Variants in ST3GAL1 observed in about 807,000 individuals in gnomAD.
ST3GAL1 encodes the protein ST3 beta-galactoside alpha-2,3-sialyltransferase 1, also known as CMP-N-acetylneuraminate-beta-galactosamide-alpha-2,3-sialyltransferase 1.
Under a neutral mutation model 34.1 loss-of-function variants are expected in ST3GAL1, and 16 were observed. That is an observed-to-expected ratio of 0.47 (90% CI 0.32 to 0.71). The LOEUF (loss-of-function observed/expected upper bound fraction) is 0.71. Ranked by LOEUF, ST3GAL1 falls within the 30% of genes least tolerant of loss-of-function variation. The pLI is 0.04. For missense variants in ST3GAL1, 353 were observed against 447.4 expected (o/e 0.79, Z 1.90); for synonymous variants, 191 against 184.7 (o/e 1.03, Z -0.28).
intron 1 of ST3GAL1, among the ~76,000 whole-genome samples, chr8:133,562,846 C>T (rs1010888561): frequency 3.6e-5 from 2 of 56,302 alleles, no homozygotes; most frequent in Non-Finnish European, 4.4e-5. Context: ...TCCTTCCTTT[C>T]TTTCTTTTTT....
At chr8:133,473,567 AC>A (rs1816046467) in intron 5 of ST3GAL1, among the ~76,000 whole-genome samples, 1 of 152,240 alleles carries the variant, frequency 6.6e-6, no homozygotes, top group African/African-American at 2.4e-5. Context: ...AACTGCTGCT[AC>A]AGGGGGAATC....
At chr8:133,462,064 G>A in intron 8 of ST3GAL1, 70 bp from the exon 9 acceptor site, 1 of 1,603,690 alleles carries the variant, frequency 6.2e-7, no homozygotes, top group South Asian at 1.1e-5. Context: ...CCTGTCAGAT[G>A]TACATACTGT....
intron 2 of ST3GAL1, among the ~76,000 whole-genome samples, chr8:133,524,141 T>C (rs1285612668): frequency 2.0e-5 from 3 of 152,216 alleles, no homozygotes; most frequent in Non-Finnish European, 4.4e-5. Context: ...ATACCTTGAC[T>C]CTCGCTGGCC....
At chr8:133,527,007 G>A (rs1817996010) in intron 2 of ST3GAL1, among the ~76,000 whole-genome samples, 1 of 152,208 alleles carries the variant, frequency 6.6e-6, no homozygotes, top group African/African-American at 2.4e-5. Flanking sequence ...GGGTCAGAGA[G>A]GTGAGGAGAC....
intron 1 of ST3GAL1, among the ~76,000 whole-genome samples, chr8:133,557,960 ATCTTAGGTATG>A (rs1444056955): frequency 6.6e-6 from 1 of 152,034 alleles, no homozygotes; most frequent in Admixed American, 6.5e-5. Context: ...CATGGCTAAA[ATCTTAGGTATG>A]TCTCTTGTGC....
At chr8:133,503,375 A>T (rs1817242207) in intron 2 of ST3GAL1, among the ~76,000 whole-genome samples, 1 of 152,202 alleles carries the variant, frequency 6.6e-6, no homozygotes, top group Non-Finnish European at 1.5e-5. Context: ...TCTCATCTGC[A>T]AAACAGGGAT....
chr8:133,493,880 C>T (rs1025870934), intron 3 of ST3GAL1, among the ~76,000 whole-genome samples: 5 of 151,480 alleles, frequency 3.3e-5, no homozygotes, highest in African/African-American at 1.2e-4. Context: ...GAGAGGCCAC[C>T]CTAGCTATTT....
chr8:133,470,635 G>A (rs1815917170), intron 5 of ST3GAL1, among the ~76,000 whole-genome samples: 1 of 152,218 alleles, frequency 6.6e-6, no homozygotes, highest in Non-Finnish European at 1.5e-5. Context: ...CCTGGAAGCA[G>A]AGGCTGGGGC....
intron 3 of ST3GAL1, among the ~76,000 whole-genome samples, chr8:133,496,029 C>T (rs1362825612): frequency 1.3e-5 from 2 of 152,094 alleles, no homozygotes; most frequent in Non-Finnish European, 2.9e-5. Context: ...GATGGATAAC[C>T]CAGTAGTGCT....
Position 133,508,721 on chromosome 8 carries a change from G to A in ST3GAL1, c.-428-9532C>T, listed in dbSNP as rs150962546. Among the ~76,000 whole-genome samples, 157 of 152,170 alleles carry A rather than the reference G, an allele frequency of 1.0e-3. No homozygotes were observed. Among genetic ancestry groups the A allele is most frequent in the South Asian group, 2.7e-3 (13 of 4,818 alleles). ...GCCATTGGTCATTTAGTAAAGACTC[G>A]TTGGGTCCCAAGAATGTGCCAGGCT... is the stretch of plus-strand genomic sequence containing the variant. On this transcript the variant is annotated intron_variant, in intron 2 of 9. Transcript: ENST00000522652. This position sits in a 1 kb window ranked among gnomAD's most constrained non-coding sequence, Gnocchi z 4.1.
At chr8:133,500,799 C>T (rs1283438201) in intron 2 of ST3GAL1, among the ~76,000 whole-genome samples, 10 of 152,246 alleles carry the variant, frequency 6.6e-5, no homozygotes, top group Non-Finnish European at 1.0e-4. Flanking sequence ...TCTTCATCAT[C>T]ATCATCACCT....
intron 2 of ST3GAL1, among the ~76,000 whole-genome samples, chr8:133,523,874 T>A (rs982298275): frequency 3.9e-5 from 6 of 152,158 alleles, no homozygotes; most frequent in Non-Finnish European, 7.3e-5. Flanking sequence ...TGGGAAGAAG[T>A]GTCAAGATGC....
Position 133,459,906 on chromosome 8 carries a change from T to G in ST3GAL1, c.881A>C (p.Lys294Thr). The G allele has an allele frequency of 6.2e-7, 1 of 1,613,680 alleles. No homozygotes were observed. Among genetic ancestry groups the G allele is most frequent in the Non-Finnish European group, 8.5e-7 (1 of 1,179,764 alleles). Residue 294 changes from lysine (K) to threonine (T), a missense_variant, in exon 10 of 10, where the codon AAA (lysine) becomes ACA (threonine). Transcript: ENST00000522652. This position sits in a 1 kb window ranked among gnomAD's most constrained non-coding sequence, Gnocchi z 4.7. The stretch of plus-strand genomic sequence containing the variant: ...CTCCCAGTAGTGGTGCCAGTTCCCT[T>G]TGCTGTCTGCCCCGAAGCCGTACAA... Reference protein sequence around the residue: ...VDLYGFGADSKGNWHHYWENN... With the variant: ...VDLYGFGADSTGNWHHYWENN...
intron 2 of ST3GAL1, among the ~76,000 whole-genome samples, chr8:133,519,023 G>C (rs899567753): frequency 1.3e-5 from 2 of 152,102 alleles, no homozygotes; most frequent in African/African-American, 4.8e-5. Context: ...AGGTGCAAAC[G>C]TCTGTCTATG....
intron 1 of ST3GAL1, among the ~76,000 whole-genome samples, chr8:133,552,863 G>A (rs1019461369): frequency 1.3e-5 from 2 of 152,138 alleles, no homozygotes; most frequent in African/African-American, 2.4e-5. Context: ...CCAACAGCAC[G>A]CAAAGCATCT....
chr8:133,559,075 C>T (rs1017114943), intron 1 of ST3GAL1, among the ~76,000 whole-genome samples: 3 of 150,894 alleles, frequency 2.0e-5, no homozygotes, highest in African/African-American at 7.4e-5. Flanking sequence ...GTGTGCACGT[C>T]CTAAGCCACT....
Position 133,466,065 on chromosome 8 carries a change from T to C in ST3GAL1, c.332A>G (p.Asn111Ser), listed in dbSNP as rs116342938. 0.019 allele frequency: 30,951 copies of C among 1,613,496 alleles called. 446 individuals are homozygous for C. The highest frequency in any genetic ancestry group is 0.064 in the African/African-American group (4,832 of 75,008). Residue 111 changes from asparagine (N) to serine (S), a missense_variant, in exon 6 of 10, where the codon AAT (asparagine) becomes AGT (serine). Transcript: ENST00000522652. The surrounding 1 kb of genome is among the most constrained non-coding windows in gnomAD (Gnocchi z 4.4). ...CTCCTTGATGGTGTCATTCAAGTTA[T>C]TGGGCTTCTTCTCCCGCTGGAGCCT... ...WLRLQREKKP[N>S]NLNDTIKELF...
At chr8:133,565,175 G>GTGTT (rs754129894) in intron 1 of ST3GAL1, among the ~76,000 whole-genome samples, 19 of 151,798 alleles carry the variant, frequency 1.3e-4, no homozygotes, top group Non-Finnish European at 8.8e-5. Flanking sequence ...GTGTGTGTGT[G>GTGTT]TGTGTGTGTG....
Position 133,459,484 on chromosome 8 carries a change from G to C in ST3GAL1, c.*280C>G, listed in dbSNP as rs1815415656. ...AGCCAAAATGATTTTAGTGTGTGGAGGTTGAACCTTTCCCAGCGTCTCCCC... is the reference window on the plus strand; with the variant it reads ...AGCCAAAATGATTTTAGTGTGTGGACGTTGAACCTTTCCCAGCGTCTCCCC... On this transcript the variant is annotated 3_prime_UTR_variant, in exon 10 of 10. Coordinates refer to ENST00000522652, the MANE Select transcript of ST3GAL1 (RefSeq NM_173344.3). This position sits in a 1 kb window ranked among gnomAD's most constrained non-coding sequence, Gnocchi z 4.7. 3.1e-6 allele frequency: 1 copy of C among 320,548 alleles called. No individual in the cohort carries two copies. The allele number at this position is 320,548 out of a possible 1,614,324, so 19.9% of individuals were successfully genotyped here. A position where few individuals can be genotyped will look rare whatever the true frequency, so the allele number is the denominator to read the frequency against.
Sources: allele counts gnomAD v4.1 joint callset (sites outside exome capture counted in the v4.1 genomes callset), GRCh38; gene constraint gnomAD v4.1.1; non-coding constraint Gnocchi (gnomAD v3.1); transcripts MANE v1.5; gene names NCBI Gene and HGNC (gene_info 2026-07-23, HGNC 2026-07-21).